STPG2: variants seen among roughly 807,000 people sequenced by gnomAD.
STPG2 encodes sperm-tail PG-rich repeat-containing protein 2.
Under a neutral mutation model 54.2 loss-of-function variants are expected in STPG2, and 56 were observed. The observed-to-expected ratio is 1.03, with a 90% CI of 0.83 to 1.29. The LOEUF is 1.29. STPG2 is among the 50% of genes most tolerant of loss of function. STPG2 has a pLI of 0.00. For synonymous variants in STPG2, 200 were observed against 181.8 expected (o/e 1.10, Z -0.81); for missense variants, 596 against 544.9 (o/e 1.09, Z -0.93).
intron 5 of STPG2, among the ~76,000 whole-genome samples, chr4:98,021,648 G>A (rs1560640514): frequency 6.6e-6 from 1 of 152,060 alleles, no homozygotes; most frequent in Admixed American, 6.6e-5. Context: ...TTGTGTGGGA[G>A]TCTAAGTCTC....
rs142973894 is a variant in STPG2, at chr4:97,449,049, T to G, written c.463-261216A>C. On this transcript the variant is annotated intron_variant, in intron 4 of 4. Coordinates refer to the STPG2 transcript ENST00000522676. ...TTTGGATTCCTAGGGCTAACATATA[T>G]AAATATAATTTAAACTATACAAAAG... Among the ~76,000 whole-genome samples the G allele has an allele frequency of 1.1e-4, 16 of 152,018 alleles. No individual in the cohort carries two copies. In the East Asian group the frequency reaches 2.3e-3, roughly 22 times the overall value.
chr4:97,653,387 A>G (rs1299990048), intron 10 of STPG2, among the ~76,000 whole-genome samples: 2 of 150,302 alleles, frequency 1.3e-5, no homozygotes, highest in African/African-American at 2.4e-5. Context: ...TCAATATGGA[A>G]GAAAAAAAAA....
chr4:97,714,544 A>G (rs1032781069), intron 9 of STPG2, among the ~76,000 whole-genome samples: 7 of 152,190 alleles, frequency 4.6e-5, no homozygotes, highest in Non-Finnish European at 8.8e-5. Context: ...GTTTTGATAT[A>G]CCAAGTGATA....
intron 5 of STPG2, among the ~76,000 whole-genome samples, chr4:98,090,488 G>A (rs1051478194): frequency 6.6e-6 from 1 of 152,036 alleles, no homozygotes; most frequent in Non-Finnish European, 1.5e-5. Context: ...GTCTGGTAAT[G>A]CGATACTTCC....
At chr4:98,117,278 T>C (rs1739546922) in intron 3 of STPG2, among the ~76,000 whole-genome samples, 1 of 152,058 alleles carries the variant, frequency 6.6e-6, no homozygotes. Context: ...TCTGACCTCA[T>C]GATTTCTATT....
At chr4:97,942,077 CT>C (rs1213957407) in intron 8 of STPG2, among the ~76,000 whole-genome samples, 1 of 151,372 alleles carries the variant, frequency 6.6e-6, no homozygotes, top group Non-Finnish European at 1.5e-5. Context: ...TGTGCACCAT[CT>C]TTTTTCACTA....
chr4:98,005,419 T>C (rs184767289), intron 5 of STPG2, among the ~76,000 whole-genome samples: 1 of 152,324 alleles, frequency 6.6e-6, no homozygotes, highest in Admixed American at 6.5e-5. Flanking sequence ...GGACTTCCAG[T>C]ACTACATTAA....
chr4:97,681,318 G>T (rs924758457), intron 10 of STPG2, among the ~76,000 whole-genome samples: 1 of 151,778 alleles, frequency 6.6e-6, no homozygotes, highest in Admixed American at 6.6e-5. Flanking sequence ...ACAAGAAAAA[G>T]AAATTTACTA....
At chr4:97,668,761 A>G (rs1175456541) in intron 10 of STPG2, among the ~76,000 whole-genome samples, 1 of 101,974 alleles carries the variant, frequency 9.8e-6, no homozygotes, top group East Asian at 2.6e-4. Flanking sequence ...AATAATGTAT[A>G]GGATAGAGTA....
At chr4:97,470,414 T>C (rs1210832519) in intron 4 of STPG2, among the ~76,000 whole-genome samples, 1 of 152,122 alleles carries the variant, frequency 6.6e-6, no homozygotes, top group Non-Finnish European at 1.5e-5. Context: ...ATATTTTTCC[T>C]AAAATATATT....
intron 7 of STPG2, among the ~76,000 whole-genome samples, chr4:97,971,853 A>G (rs2149256917): frequency 7.0e-6 from 1 of 142,242 alleles, no homozygotes; most frequent in East Asian, 2.1e-4. Context: ...AGAATCCCGT[A>G]TGTCACACAG....
chr4:97,613,482 G>A (rs1578424413), intron 10 of STPG2, among the ~76,000 whole-genome samples: 1 of 92,716 alleles, frequency 1.1e-5, no homozygotes, highest in Admixed American at 1.1e-4. Context: ...ACCCGTGTGT[G>A]TGTGTGTGTG....
At chr4:97,516,264 G>T (rs533782020) in intron 4 of STPG2, among the ~76,000 whole-genome samples, 74 of 152,040 alleles carry the variant, frequency 4.9e-4, no homozygotes, top group African/African-American at 1.7e-3. Context: ...TTATATATTT[G>T]CAGTAACTTT....
intron 5 of STPG2, among the ~76,000 whole-genome samples, chr4:98,072,038 C>G (rs781232501): frequency 1.3e-5 from 2 of 152,102 alleles, no homozygotes; most frequent in Non-Finnish European, 2.9e-5. Context: ...TACCATTTGA[C>G]CCAGCAATCC....
intron 5 of STPG2, among the ~76,000 whole-genome samples, chr4:98,050,486 T>G (rs1737283897): frequency 6.6e-6 from 1 of 152,118 alleles, no homozygotes; most frequent in Non-Finnish European, 1.5e-5. Context: ...TCTTCCTGAA[T>G]CCTTGCTTAT....
chr4:97,595,793 A>G (rs1056816619), intron 10 of STPG2, among the ~76,000 whole-genome samples: 5 of 152,098 alleles, frequency 3.3e-5, no homozygotes, highest in Admixed American at 2.0e-4. Context: ...ATGAAAGACA[A>G]TTACTTGCCA....
intron 8 of STPG2, among the ~76,000 whole-genome samples, chr4:97,918,392 AT>A: frequency 6.6e-6 from 1 of 152,272 alleles, no homozygotes; most frequent in Middle Eastern, 3.4e-3. Context: ...TTTTTTATGC[AT>A]TAAGGAGAAC....
At chr4:97,480,347 G>T (rs934987701) in intron 4 of STPG2, among the ~76,000 whole-genome samples, 1 of 151,498 alleles carries the variant, frequency 6.6e-6, no homozygotes, top group East Asian at 1.9e-4. Flanking sequence ...AATGAAATGG[G>T]AGGCACAGAT....
intron 10 of STPG2, among the ~76,000 whole-genome samples, chr4:97,559,424 G>A (rs975599998): frequency 3.9e-5 from 6 of 152,106 alleles, no homozygotes; most frequent in African/African-American, 1.4e-4. Context: ...CACACATGTA[G>A]CAAACAGCAT....
Sources: allele counts gnomAD v4.1 joint callset (sites outside exome capture counted in the v4.1 genomes callset), GRCh38; gene constraint gnomAD v4.1.1; transcripts MANE v1.5; gene names NCBI Gene and HGNC (gene_info 2026-07-23, HGNC 2026-07-21).